The following TBC1D1 variants were observed in gnomAD, a reference collection of about 807,000 sequenced individuals.
The protein encoded by TBC1D1 is TBC1 (tre-2/USP6, BUB2, cdc16) domain family, member 1.
In TBC1D1, 89 loss-of-function variants were observed where a neutral mutation model predicts 125.6. The observed-to-expected ratio is 0.71, with a 90% confidence interval of 0.60 to 0.85. The LOEUF (loss-of-function observed/expected upper bound fraction) is 0.85, where lower values mean the gene tolerates loss of function less well. Ranked by LOEUF, TBC1D1 falls within the 40% of genes least tolerant of loss-of-function variation. The pLI is 0.00. For missense variants in TBC1D1, 1,377 were observed against 1,469.2 expected, an observed-to-expected ratio of 0.94 and a Z score of 1.03; for synonymous variants, 565 against 564.1, an observed-to-expected ratio of 1.00 and a Z score of -0.02.
intron 18 of TBC1D1, 156 bp from the exon 21 acceptor site, chr4:38,132,928 C>T (rs1284083727): frequency 1.5e-5 from 7 of 457,558 alleles, no homozygotes; most frequent in Middle Eastern, 5.8e-4. Flanking sequence ...CTTCTCAGTG[C>T]GTAGTTTTTC....
At chr4:38,096,361 A>T (rs1759347225) in intron 14 of TBC1D1, among the ~76,000 whole-genome samples, 1 of 152,256 alleles carries the variant, frequency 6.6e-6, no homozygotes, top group South Asian at 2.1e-4. Flanking sequence ...TAATGATTTG[A>T]TGATATACTT....
rs935021428 is a variant in TBC1D1 at position 37,977,743 on chromosome 4, A to G, written c.418-36766A>G. Among the ~76,000 whole-genome samples the G allele has an allele frequency of 2.6e-4, 39 of 152,088 alleles. No individual in the cohort carries two copies. The East Asian group carries it at 3.7e-3, about 14-fold the overall frequency. On this transcript the variant is annotated intron_variant, in intron 2 of 19. Transcript: ENST00000261439. This position sits in a 1 kb window ranked among gnomAD's most constrained non-coding sequence, Gnocchi z 4.3. ...GAGGACGGGCGAGGTAGCGGCGCCC[A>G]TTTCACAGTTGGGGAGACTGAGGCT...
chr4:37,971,720 G>A (rs1355437792), intron 2 of TBC1D1, among the ~76,000 whole-genome samples: 1 of 152,192 alleles, frequency 6.6e-6, no homozygotes, highest in Non-Finnish European at 1.5e-5. Flanking sequence ...AACTGTAAGA[G>A]TGGTTCTTGA....
chr4:37,943,866 CA>C (rs1726093264), intron 2 of TBC1D1, among the ~76,000 whole-genome samples: 1 of 152,170 alleles, frequency 6.6e-6, no homozygotes, highest in Non-Finnish European at 1.5e-5. Context: ...ACCTTTGTTC[CA>C]TTGCTGGTGA....
intron 2 of TBC1D1, among the ~76,000 whole-genome samples, chr4:37,968,106 A>C (rs536946574): frequency 6.6e-6 from 1 of 152,240 alleles, no homozygotes; most frequent in Non-Finnish European, 1.5e-5. Flanking sequence ...AGCAAAATGT[A>C]ATAATTTAGC....
chr4:38,083,010 G>T (rs984943785), intron 12 of TBC1D1, among the ~76,000 whole-genome samples: 3 of 152,128 alleles, frequency 2.0e-5, no homozygotes, highest in Non-Finnish European at 2.9e-5. Context: ...AAGTGTGTGT[G>T]CACCTCTTTC....
At chr4:38,062,281 T>C (rs1056803466) in intron 12 of TBC1D1, among the ~76,000 whole-genome samples, 5 of 151,952 alleles carry the variant, frequency 3.3e-5, no homozygotes, top group East Asian at 1.9e-4. Flanking sequence ...TTTTTTTTTT[T>C]CCCTGCGTGT....
At chr4:37,975,312 A>G (rs542395372) in intron 2 of TBC1D1, among the ~76,000 whole-genome samples, 2 of 152,198 alleles carry the variant, frequency 1.3e-5, no homozygotes, top group African/African-American at 2.4e-5. Context: ...TAGTACTTTC[A>G]CTAATTTGCT....
At chr4:38,106,479 G>A (rs1273954424) in intron 15 of TBC1D1, among the ~76,000 whole-genome samples, 2 of 152,190 alleles carry the variant, frequency 1.3e-5, no homozygotes, top group East Asian at 3.9e-4. Context: ...TTGTGAATTG[G>A]CAGTAGCTGC....
Position 38,021,657 on chromosome 4 carries a change from A to C in TBC1D1, c.1149A>C (p.Pro383=). 1 of 1,598,846 alleles carries C rather than the reference A, an allele frequency of 6.3e-7. No homozygotes were observed. Among genetic ancestry groups the C allele is most frequent in the Non-Finnish European group, 8.5e-7 (1 of 1,172,930 alleles). The change falls in exon 6 of 20, where the codon CCA becomes CCC. Residue 383 remains proline, a synonymous_variant. Transcript: ENST00000261439. ...CAGTGCAGCAGACAGCTAAGGCGCCAGCCCAGCTGTGTGAGGGCTGCCCCC... is the reference window on the plus strand; with the variant it reads ...CAGTGCAGCAGACAGCTAAGGCGCCCGCCCAGCTGTGTGAGGGCTGCCCCC...
chr4:38,053,691 A>C (rs563620003), intron 11 of TBC1D1, among the ~76,000 whole-genome samples: 53 of 152,398 alleles, frequency 3.5e-4, no homozygotes, highest in African/African-American at 1.2e-3. Flanking sequence ...TAAAAAATAC[A>C]CACGTTAAAA....
At chr4:38,015,037 T>C in intron 3 of TBC1D1, 64 bp downstream of exon 3, 8 of 1,356,958 alleles carry the variant, frequency 5.9e-6, no homozygotes, top group Non-Finnish European at 8.0e-6. Flanking sequence ...GAAAATCTGC[T>C]TTATGGAGCG....
chr4:38,066,689 C>A (rs1269350174), intron 12 of TBC1D1, among the ~76,000 whole-genome samples: 1 of 152,034 alleles, frequency 6.6e-6, no homozygotes, highest in Non-Finnish European at 1.5e-5. Context: ...CTATGCATGC[C>A]CCCCCTGGAG....
intron 2 of TBC1D1, among the ~76,000 whole-genome samples, chr4:37,963,783 A>T (rs1051637512): frequency 6.6e-6 from 1 of 152,200 alleles, no homozygotes; most frequent in African/African-American, 2.4e-5. Flanking sequence ...AATTTTTAAG[A>T]TCCTAAGAAA....
At chr4:37,968,726 A>C (rs577865867) in intron 2 of TBC1D1, among the ~76,000 whole-genome samples, 1 of 152,332 alleles carries the variant, frequency 6.6e-6, no homozygotes, top group Admixed American at 6.5e-5. Context: ...TGAATCCGGC[A>C]TGATTTAAAA....
intron 2 of TBC1D1, among the ~76,000 whole-genome samples, chr4:37,925,648 A>C (rs1721932535): frequency 6.7e-6 from 1 of 149,340 alleles, no homozygotes; most frequent in Non-Finnish European, 1.5e-5. Context: ...GCGCCACTGC[A>C]TTCCAGCCTG....
intron 15 of TBC1D1, among the ~76,000 whole-genome samples, chr4:38,114,904 A>G (rs1179821383): frequency 6.6e-6 from 1 of 152,082 alleles, no homozygotes; most frequent in Non-Finnish European, 1.5e-5. Context: ...GGTATGAAGC[A>G]TTTGCAGGCA....
At chr4:38,041,268 A>G (rs1748313835) in intron 8 of TBC1D1, among the ~76,000 whole-genome samples, 2 of 152,274 alleles carry the variant, frequency 1.3e-5, no homozygotes, top group African/African-American at 4.8e-5. Context: ...AGGGGAGGAC[A>G]TATTCAAGGA....
intron 12 of TBC1D1, among the ~76,000 whole-genome samples, chr4:38,063,672 A>G (rs1245462513): frequency 6.6e-6 from 1 of 151,344 alleles, no homozygotes; most frequent in African/African-American, 2.4e-5. Context: ...TCTGTCGCCC[A>G]GGCTGGAGTG....
Sources: gnomAD v4.1 joint callset for allele counts (sites outside exome capture counted in the v4.1 genomes callset) on GRCh38, gnomAD v4.1.1 for gene constraint, Gnocchi (gnomAD v3.1) non-coding constraint, MANE v1.5 for transcripts, NCBI Gene and HGNC (gene_info 2026-07-23, HGNC 2026-07-21) for gene names.